The following MEF2D variants were observed in gnomAD, a reference collection of about 807,000 sequenced individuals.
MEF2D encodes myocyte-specific enhancer factor 2D.
MEF2D carries 10 observed loss-of-function variants against 59.3 expected under a neutral mutation model. The ratio of observed to expected loss-of-function variants is 0.17; its 90% CI spans 0.10 to 0.29. The LOEUF (loss-of-function observed/expected upper bound fraction) is 0.29, where lower values mean the gene tolerates loss of function less well. MEF2D is among the 10% of genes least tolerant of loss of function. The pLI is 1.00. For missense variants in MEF2D, 508 were observed against 699.4 expected (o/e 0.73, Z 3.09); for synonymous variants, 305 against 295.0 (o/e 1.03, Z -0.35).
chr1:156,499,921 AC>A (rs1673381847), intron 1 of MEF2D, among the ~76,000 whole-genome samples: 1 of 150,074 alleles, frequency 6.7e-6, no homozygotes, highest in South Asian at 2.1e-4. Context: ...CCAACCCACT[AC>A]CCCGGTGTCA....
chr1:156,483,084 G>A (rs775523096), intron 2 of MEF2D, among the ~76,000 whole-genome samples, 155 bp downstream of exon 2: 12 of 152,162 alleles, frequency 7.9e-5, no homozygotes, highest in Non-Finnish European at 1.5e-4. Flanking sequence ...CTGCGAAGAG[G>A]TTGGGGTTCC....
chr1:156,474,536 T>C (rs1346668490), intron 9 of MEF2D, among the ~76,000 whole-genome samples: 1 of 152,218 alleles, frequency 6.6e-6, no homozygotes, highest in Non-Finnish European at 1.5e-5. Context: ...AGTATGTCTT[T>C]GGTGCTGGGC....
rs1354142225 is a variant in MEF2D at position 156,466,998 on chromosome 1, G to C, written c.*647C>G. 1 of 152,636 alleles carries C rather than the reference G, an allele frequency of 6.6e-6. No homozygotes were observed. Among genetic ancestry groups the C allele is most frequent in the Non-Finnish European group, 1.5e-5 (1 of 68,144 alleles). 9.5% of individuals were successfully genotyped at this position (152,636 alleles called of 1,614,324 possible). On this transcript the variant is annotated 3_prime_UTR_variant, in exon 12 of 12. Transcript: ENST00000348159. ...GCTCAGCCAGCACCCACACACCTTG[G>C]GGGTGCAGCACACACAAGAATCAGC...
At chr1:156,472,158 T>C (rs949781206) in intron 9 of MEF2D, among the ~76,000 whole-genome samples, 11 of 152,188 alleles carry the variant, frequency 7.2e-5, no homozygotes, top group Non-Finnish European at 1.6e-4. Context: ...TAAAAAGTGG[T>C]CTGAGCTGCC....
At chr1:156,479,842 T>G (rs1486548010) in intron 4 of MEF2D, 46 bp from the exon 5 acceptor site, 1 of 1,521,362 alleles carries the variant, frequency 6.6e-7, no homozygotes, top group Non-Finnish European at 8.9e-7. Flanking sequence ...GTTGACCCCT[T>G]CCATGGAGTC....
At chr1:156,478,970 C>T (rs1010379648) in intron 6 of MEF2D, among the ~76,000 whole-genome samples, 8 of 152,188 alleles carry the variant, frequency 5.3e-5, no homozygotes, top group South Asian at 4.1e-4. Context: ...GTCTAGGGAA[C>T]GCCCGGCATT....
chr1:156,468,173 C>A lies in MEF2D; in HGVS notation c.1374G>T (p.Val458=), dbSNP rs774822042. ...ERSPAPPPPA[V]FPAARPEPGD... is the part of the protein sequence containing the mutation. ...CAGGCTCAGGGCGGGCAGCTGGGAA[C>A]ACAGCTGGAGGGGGAGGCGCAGGGC... The change falls in exon 11 of 12, where the codon GTG becomes GTT. Residue 458 remains valine (V), a synonymous_variant. Transcript: ENST00000348159. The surrounding 1 kb of genome is among the most constrained non-coding windows in gnomAD (Gnocchi z 4.3). 1 of 1,613,852 alleles carries A rather than the reference C, an allele frequency of 6.2e-7. No individual in the cohort carries two copies. The highest frequency in any genetic ancestry group is 1.7e-5 in the Admixed American group (1 of 60,008).
intron 1 of MEF2D, among the ~76,000 whole-genome samples, chr1:156,491,403 T>A (rs1557895129): frequency 6.6e-6 from 1 of 152,128 alleles, no homozygotes; most frequent in African/African-American, 2.4e-5. Context: ...ACTGAAGAGA[T>A]GGCCTGGCTG....
intron 1 of MEF2D, among the ~76,000 whole-genome samples, chr1:156,495,533 A>G (rs1673078944): frequency 6.6e-6 from 1 of 151,928 alleles, no homozygotes; most frequent in Middle Eastern, 3.2e-3. Context: ...TGGGCGGGGC[A>G]CGATGGCTCA....
rs181062903 is a variant in MEF2D at position 156,492,888 on chromosome 1, G to A, written c.-139+7598C>T. ...GGTCTGGGCTGCCTGCCATTGCAGC[G>A]GGTGGGCTAATGGTTAGATCAGGGG... is the stretch of plus-strand genomic sequence containing the variant. On this transcript the variant is annotated intron_variant, in intron 1 of 11. Transcript: ENST00000348159. Among the ~76,000 whole-genome samples, 418 of 152,310 alleles carry A rather than the reference G, an allele frequency of 2.7e-3. 2 individuals are homozygous for A. The highest frequency in any genetic ancestry group is 7.2e-3 in the African/African-American group (298 of 41,546).
At chr1:156,473,083 T>C (rs576025652) in intron 9 of MEF2D, among the ~76,000 whole-genome samples, 23 of 151,514 alleles carry the variant, frequency 1.5e-4, no homozygotes, top group African/African-American at 5.1e-4. Flanking sequence ...AGTGGTGCAA[T>C]CTCGGCTCAT....
At position 156,475,008 on chromosome 1, in the gene MEF2D, C is replaced by A. The variant is rs1280533458; in HGVS notation, c.1006+100G>T. The A allele has an allele frequency of 6.8e-5, 105 of 1,549,704 alleles. 1 individual carries two copies. The East Asian group carries it at 2.4e-3, about 36-fold the overall frequency. ...GGGTTCCCCCAAATCAGTAGCCCTC[C>A]TCAGATGTGGCCTGTCCAGGGGATA... On this transcript the variant is annotated intron_variant, in intron 9 of 11. Transcript: ENST00000348159.
chr1:156,495,498 T>C (rs1460607989), intron 1 of MEF2D, among the ~76,000 whole-genome samples: 5 of 152,000 alleles, frequency 3.3e-5, no homozygotes, highest in East Asian at 1.9e-4. Context: ...CCTCTCTTCA[T>C]TGGGATCTCA....
At chr1:156,498,127 AC>A (rs1482700688) in intron 1 of MEF2D, among the ~76,000 whole-genome samples, 11 of 112,678 alleles carry the variant, frequency 9.8e-5, no homozygotes, top group African/African-American at 2.6e-4. Flanking sequence ...AAAAAAAAAA[AC>A]CCTGCTACAG....
Position 156,468,180 on chromosome 1 carries a change from G to T in MEF2D, c.1367C>A (p.Pro456Gln). ...AGGGCGGGCAGCTGGGAACACAGCT[G>T]GAGGGGGAGGCGCAGGGCTGCGCTC... is the stretch of plus-strand genomic sequence containing the variant. ...SRERSPAPPP[P>Q]AVFPAARPEP... Residue 456 changes from proline (P) to glutamine (Q), a missense_variant, in exon 11 of 12, where the codon CCA (proline) becomes CAA (glutamine). By Grantham distance (76) the Pro-to-Gln change is moderately conservative (BLOSUM62 -1). Around this residue, in one of 2 missense-constraint regions of MEF2D, gnomAD observed 481 missense variants for 584.7 expected, o/e 0.82. Coordinates refer to ENST00000348159, the MANE Select transcript of MEF2D (RefSeq NM_005920.4). This position sits in a 1 kb window ranked among gnomAD's most constrained non-coding sequence, Gnocchi z 4.3. The T allele has an allele frequency of 6.2e-7, 1 of 1,613,876 alleles. No individual in the cohort carries two copies. Among genetic ancestry groups the T allele is most frequent in the African/African-American group, 1.3e-5 (1 of 75,060 alleles).
At chr1:156,498,990 G>A (rs900978303) in intron 1 of MEF2D, among the ~76,000 whole-genome samples, 23 of 152,302 alleles carry the variant, frequency 1.5e-4, no homozygotes, top group African/African-American at 5.1e-4. Context: ...GGCCACAAGC[G>A]GGTGGACATC....
chr1:156,470,698 C>T (rs2102002328), intron 9 of MEF2D, among the ~76,000 whole-genome samples: 1 of 152,338 alleles, frequency 6.6e-6, no homozygotes, highest in South Asian at 2.1e-4. Flanking sequence ...GTTACTTACT[C>T]TGCCTATAAA....
chr1:156,488,459 CCT>C (rs553060251), intron 1 of MEF2D, among the ~76,000 whole-genome samples: 25 of 152,226 alleles, frequency 1.6e-4, no homozygotes, highest in African/African-American at 5.8e-4. Flanking sequence ...GCAGGAGGCC[CCT>C]CTGACAACAC....
Position 156,493,419 on chromosome 1 carries a change from A to C in MEF2D, c.-139+7067T>G, listed in dbSNP as rs528106985. ...TTCTAACTCGAAGGACAGTCCTCTA[A>C]GCCCCTGGCAGCGGAGGGAGGGCGG... On this transcript the variant is annotated intron_variant, in intron 1 of 11. Coordinates refer to ENST00000348159, the MANE Select transcript of MEF2D (RefSeq NM_005920.4). Among the ~76,000 whole-genome samples, 16 of 152,226 alleles carry C rather than the reference A, an allele frequency of 1.1e-4. No individual in the cohort carries two copies. The South Asian group carries it at 3.1e-3, about 30-fold the overall frequency.
Sources: gnomAD v4.1 joint callset for allele counts (sites outside exome capture counted in the v4.1 genomes callset) on GRCh38, gnomAD v4.1.1 for gene constraint, gnomAD v4.1.1 regional missense constraint, Gnocchi (gnomAD v3.1) non-coding constraint, MANE v1.5 for transcripts, NCBI Gene and HGNC (gene_info 2026-07-23, HGNC 2026-07-21) for gene names.